Variants in EGF observed in about 807,000 individuals in gnomAD.
EGF encodes epidermal growth factor, also known as pro-epidermal growth factor.
Under a neutral mutation model 143.8 loss-of-function variants are expected in EGF, and 95 were observed. That is an observed-to-expected ratio of 0.66 (90% confidence interval 0.56 to 0.78). The LOEUF is 0.78. EGF is among the 30% of genes least tolerant of loss of function. The probability of loss-of-function intolerance (pLI) is 0.00; values close to 1 mark genes in which losing one functional copy is unlikely to be tolerated. For missense variants in EGF, 1,320 were observed against 1,470.9 expected (o/e 0.90, Z 1.68); for synonymous variants, 510 against 510.5 (o/e 1.00, Z 0.01).
chr4:110,006,865 G>T (rs2126195065), intron 22 of EGF, among the ~76,000 whole-genome samples: 1 of 152,330 alleles, frequency 6.6e-6, no homozygotes, highest in South Asian at 2.1e-4. Context: ...GAGTGGGAGA[G>T]AGCTGAACGC....
chr4:109,944,929 A>G, intron 4 of EGF, 144 bp from the exon 5 acceptor site: 2 of 854,704 alleles, frequency 2.3e-6, no homozygotes, highest in Non-Finnish European at 3.7e-6. Flanking sequence ...TTTTAAACTT[A>G]ATATACTTTT....
intron 1 of EGF, among the ~76,000 whole-genome samples, chr4:109,924,333 CA>C (rs34676458): frequency 1.3e-5 from 2 of 150,844 alleles, no homozygotes; most frequent in African/African-American, 2.5e-5. Flanking sequence ...TTCTTTCTAC[CA>C]AAAAAAATTA....
In EGF at chr4:109,987,953, A is replaced by G. The variant is rs74639795; in HGVS notation, c.2608+93A>G. On this transcript the variant is annotated intron_variant, in intron 17 of 23. Coordinates refer to ENST00000265171, the MANE Select transcript of EGF (RefSeq NM_001963.6). Reference sequence around the variant, plus strand: ...TGACTCAAAAACTCCAGAAGGATTTATGTAATCAGCAGATTTGAATAAGTT... The same window carrying G: ...TGACTCAAAAACTCCAGAAGGATTTGTGTAATCAGCAGATTTGAATAAGTT... The G allele has an allele frequency of 2.5e-5, 25 of 991,760 alleles. No homozygotes were observed. The East Asian group carries it at 5.3e-4, about 21-fold the overall frequency. 61.4% of individuals were successfully genotyped at this position (991,760 alleles called of 1,614,324 possible).
Position 109,935,933 on chromosome 4 carries a change from T to C in EGF, c.128-5013T>C, listed in dbSNP as rs549319852. Among the ~76,000 whole-genome samples, 5 of 152,214 alleles carry C rather than the reference T, an allele frequency of 3.3e-5. No individual in the cohort carries two copies. The South Asian group carries it at 1.0e-3, about 32-fold the overall frequency. On this transcript the variant is annotated intron_variant, in intron 1 of 23. Transcript: ENST00000265171. ...GTGGATAAGCTTTTTGATGTGTTGC[T>C]GGATCCGGTTTGCCAGTGTTTTATT...
chr4:109,930,614 G>A (rs1355958220), intron 1 of EGF, among the ~76,000 whole-genome samples: 3 of 152,152 alleles, frequency 2.0e-5, no homozygotes, highest in Admixed American at 2.0e-4. Context: ...ATCTGGTTGT[G>A]GTTATCATTT....
In EGF at chr4:110,004,462, T is replaced by C. The variant is rs184802575; in HGVS notation, c.3174-43T>C. On this transcript the variant is annotated intron_variant, in intron 21 of 23. Coordinates refer to ENST00000265171, the MANE Select transcript of EGF (RefSeq NM_001963.6). The stretch of plus-strand genomic sequence containing the variant: ...ATCATCACTGAGTGGGCTGAGTATT[T>C]TGTTTTGTTGTGAGATTGTCTCAAA... The C allele has an allele frequency of 9.6e-6, 15 of 1,561,630 alleles. No individual in the cohort carries two copies. In the African/African-American group the frequency reaches 2.0e-4, roughly 21 times the overall value.
chr4:110,010,751 A>T (rs1366942629), intron 23 of EGF, among the ~76,000 whole-genome samples: 1 of 152,138 alleles, frequency 6.6e-6, no homozygotes, highest in Non-Finnish European at 1.5e-5. Context: ...GCACTGGCCT[A>T]TTTTAATTTT....
At chr4:109,936,641 G>A (rs562024121) in intron 1 of EGF, among the ~76,000 whole-genome samples, 6 of 152,108 alleles carry the variant, frequency 3.9e-5, no homozygotes, top group East Asian at 1.9e-4. Context: ...TTAAGGTGTC[G>A]ATTTTGGATA....
At position 109,943,830 on chromosome 4, in the gene EGF, G is replaced by A. The variant is rs544300403; in HGVS notation, c.510-12G>A. 3.1e-6 allele frequency: 5 copies of A among 1,612,796 alleles called. No homozygotes were observed. Among genetic ancestry groups the A allele is most frequent in the East Asian group, 2.2e-5 (1 of 44,872 alleles). On this transcript the variant is annotated splice_polypyrimidine_tract_variant and intron_variant, in intron 3 of 23. Coordinates refer to ENST00000265171, the MANE Select transcript of EGF (RefSeq NM_001963.6). Reference sequence around the variant, plus strand: ...ATTCATTTTTGGGTCTATGTAATGTGTTTGCCCTCAGGTTTATATTTTGGT... The same window carrying A: ...ATTCATTTTTGGGTCTATGTAATGTATTTGCCCTCAGGTTTATATTTTGGT...
chr4:109,914,212 T>C (rs1736194754), intron 1 of EGF, among the ~76,000 whole-genome samples: 1 of 152,238 alleles, frequency 6.6e-6, no homozygotes, highest in Non-Finnish European at 1.5e-5. Context: ...TTAATTCATT[T>C]ATTTAATCCT....
intron 22 of EGF, among the ~76,000 whole-genome samples, 179 bp from the exon 23 acceptor site, chr4:110,007,973 C>T (rs775780995): frequency 1.3e-5 from 2 of 152,178 alleles, no homozygotes; most frequent in Non-Finnish European, 2.9e-5. Flanking sequence ...TAACACAAGG[C>T]TCCTCACTGA....
chr4:109,944,473 C>T (rs1013826795), intron 4 of EGF, among the ~76,000 whole-genome samples: 3 of 152,200 alleles, frequency 2.0e-5, no homozygotes, highest in African/African-American at 4.8e-5. Context: ...CCAGATTTAC[C>T]GTCTGTTAGA....
chr4:109,970,824 C>CAAAAAAAAAAAAA lies in EGF; in HGVS notation c.1724+1715_1724+1727dup, dbSNP rs371512157. Among the ~76,000 whole-genome samples, 219 of 72,948 alleles carry CAAAAAAAAAAAAA rather than the reference C, an allele frequency of 3.0e-3. 13 individuals carry two copies. Among genetic ancestry groups the CAAAAAAAAAAAAA allele is most frequent in the African/African-American group, 0.012 (214 of 18,188 alleles). 47.9% of individuals were successfully genotyped at this position (72,948 alleles called of 152,430 possible). ...TGGGTGGCAGAGCGAGACTCCGTCTCAAAAAAAAAAAAAAAAAAAAAATCT... is the reference window on the plus strand; with the variant it reads ...TGGGTGGCAGAGCGAGACTCCGTCTCAAAAAAAAAAAAAAAAAAAAAAAAAAAAAAAAAAATCT... On this transcript the variant is annotated intron_variant, in intron 11 of 23. Coordinates refer to ENST00000265171, the MANE Select transcript of EGF (RefSeq NM_001963.6).
chr4:109,982,509 G>A (rs1749532942), intron 15 of EGF, among the ~76,000 whole-genome samples: 1 of 151,870 alleles, frequency 6.6e-6, no homozygotes, highest in Admixed American at 6.6e-5. Context: ...TGTATTTTTA[G>A]TAGAGACAGG....
chr4:109,941,568 C>T (rs571299986), intron 2 of EGF, among the ~76,000 whole-genome samples: 2 of 152,056 alleles, frequency 1.3e-5, no homozygotes, highest in East Asian at 1.9e-4. Flanking sequence ...AAGGTGGAGA[C>T]GATACAGGCA....
At chr4:109,991,140 C>T (rs1045833410) in intron 18 of EGF, among the ~76,000 whole-genome samples, 2 of 152,148 alleles carry the variant, frequency 1.3e-5, no homozygotes, top group Non-Finnish European at 2.9e-5. Context: ...CACATTACAA[C>T]TGTAAAATGA....
At chr4:109,915,672 T>C (rs950002944) in intron 1 of EGF, among the ~76,000 whole-genome samples, 3 of 152,250 alleles carry the variant, frequency 2.0e-5, no homozygotes, top group Non-Finnish European at 2.9e-5. Flanking sequence ...CCTCTCTAAA[T>C]AGATATGGTG....
intron 8 of EGF, 142 bp from the exon 9 acceptor site, chr4:109,963,031 C>A: frequency 2.0e-6 from 2 of 1,013,094 alleles, no homozygotes; most frequent in Non-Finnish European, 3.0e-6. Context: ...TGCCATTGCA[C>A]TCCAGCCTGG....
intron 1 of EGF, among the ~76,000 whole-genome samples, chr4:109,917,671 A>G (rs1331900946): frequency 6.6e-6 from 1 of 151,974 alleles, no homozygotes; most frequent in Non-Finnish European, 1.5e-5. Context: ...CCCAGGCTGG[A>G]GTACAGTGGC....
Sources: allele counts gnomAD v4.1 joint callset (sites outside exome capture counted in the v4.1 genomes callset), GRCh38; gene constraint gnomAD v4.1.1; transcripts MANE v1.5; gene names NCBI Gene and HGNC (gene_info 2026-07-23, HGNC 2026-07-21).